DGKB: variants seen among roughly 807,000 people sequenced by gnomAD.
DGKB encodes 90 kDa diacylglycerol kinase.
In DGKB, 67 loss-of-function variants were observed where a neutral mutation model predicts 114.3. The observed-to-expected ratio is 0.59, with a 90% CI of 0.48 to 0.72. The LOEUF is 0.72. Ranked by LOEUF, DGKB falls within the 30% of genes least tolerant of loss-of-function variation. DGKB has a pLI of 0.00. For synonymous variants in DGKB, 398 were observed against 323.1 expected (o/e 1.23, Z -2.49); for missense variants, 907 against 975.2 (o/e 0.93, Z 0.93).
At chr7:14,643,756 T>A (rs1812322106) in intron 13 of DGKB, among the ~76,000 whole-genome samples, 2 of 152,128 alleles carry the variant, frequency 1.3e-5, no homozygotes, top group Admixed American at 1.3e-4. Context: ...GGCCACCACA[T>A]GTCCATGTGC....
At position 14,859,348 on chromosome 7, in the gene DGKB, T is replaced by G. The variant is rs574400071; in HGVS notation, c.-187-17898A>C. Among the ~76,000 whole-genome samples, 164 of 152,244 alleles carry G rather than the reference T, an allele frequency of 1.1e-3. 1 individual carries two copies. Among genetic ancestry groups the G allele is most frequent in the Non-Finnish European group, 2.1e-3 (146 of 68,002 alleles). On this transcript the variant is annotated intron_variant, in intron 1 of 25. Transcript: ENST00000402815. ...TCAGTCTCAGTAATGAGATTTGATT[T>G]CCCAGTTATATGTGAAAGCCACAAA...
chr7:14,531,234 T>C (rs1791532792), intron 20 of DGKB, among the ~76,000 whole-genome samples: 1 of 151,380 alleles, frequency 6.6e-6, no homozygotes, highest in African/African-American at 2.4e-5. Context: ...ACTGAAAGTA[T>C]CTAAATTGAA....
intron 23 of DGKB, 126 bp from the exon 24 acceptor site, chr7:14,178,277 C>T: frequency 2.0e-6 from 2 of 1,011,528 alleles, no homozygotes; most frequent in Non-Finnish European, 2.8e-6. Context: ...GTCTTAGAAA[C>T]TTAAAGTAAT....
At chr7:14,350,814 T>A (rs1245373459) in intron 21 of DGKB, among the ~76,000 whole-genome samples, 1 of 152,014 alleles carries the variant, frequency 6.6e-6, no homozygotes, top group Non-Finnish European at 1.5e-5. Context: ...GATCTTTGCT[T>A]TTCAAATAAA....
At chr7:14,745,162 C>A in intron 4 of DGKB, among the ~76,000 whole-genome samples, 1 of 152,176 alleles carries the variant, frequency 6.6e-6, no homozygotes, top group East Asian at 1.9e-4. Context: ...CCTTACCCAT[C>A]CCTCTTTGTT....
In DGKB at chr7:14,747,005, T is replaced by C. The variant is rs548999207; in HGVS notation, c.168+6923A>G. Among the ~76,000 whole-genome samples the C allele has an allele frequency of 7.2e-5, 11 of 152,086 alleles. No homozygotes were observed. In the South Asian group the frequency reaches 1.2e-3, roughly 17 times the overall value. On this transcript the variant is annotated intron_variant, in intron 4 of 25. Transcript: ENST00000402815. Reference sequence around the variant, plus strand: ...GCCTATTACAGATATAAGAATGGAGTAAAAATTTCCTCAATTCTTAAATTA... The same window carrying C: ...GCCTATTACAGATATAAGAATGGAGCAAAAATTTCCTCAATTCTTAAATTA...
intron 23 of DGKB, among the ~76,000 whole-genome samples, chr7:14,299,806 T>C (rs1355850177): frequency 6.6e-6 from 1 of 152,072 alleles, no homozygotes; most frequent in Non-Finnish European, 1.5e-5. Context: ...AGGCGTGCCC[T>C]TCACTCCTCA....
At chr7:14,857,192 A>ATC (rs1041769831) in intron 1 of DGKB, among the ~76,000 whole-genome samples, 3 of 129,042 alleles carry the variant, frequency 2.3e-5, no homozygotes, top group Non-Finnish European at 4.7e-5. Context: ...AGCAAGGAAG[A>ATC]TCTCTCTCTC....
intron 23 of DGKB, among the ~76,000 whole-genome samples, chr7:14,249,968 T>G (rs1443718604): frequency 6.6e-6 from 1 of 151,824 alleles, no homozygotes; most frequent in African/African-American, 2.4e-5. Context: ...TTCTATTTTA[T>G]TTTGTTGAGA....
chr7:14,963,168 T>C (rs978440415), intron 1 of DGKB, among the ~76,000 whole-genome samples: 1 of 152,110 alleles, frequency 6.6e-6, no homozygotes, highest in African/African-American at 2.4e-5. Context: ...AGCAGAAACG[T>C]TTTGTTATTT....
intron 1 of DGKB, among the ~76,000 whole-genome samples, chr7:14,885,631 T>A (rs866973331): frequency 6.6e-6 from 1 of 151,924 alleles, no homozygotes. Context: ...TTAAAAATTA[T>A]TCTATTATTA....
chr7:14,723,262 T>C (rs1379278987), intron 5 of DGKB, among the ~76,000 whole-genome samples: 2 of 152,276 alleles, frequency 1.3e-5, no homozygotes, highest in East Asian at 3.9e-4. Flanking sequence ...TGAGATCCTT[T>C]CTAGCAGCAA....
chr7:14,398,783 G>C (rs985219279), intron 21 of DGKB, among the ~76,000 whole-genome samples: 1 of 90,878 alleles, frequency 1.1e-5, no homozygotes, highest in African/African-American at 4.1e-5. Flanking sequence ...GCTAACACAT[G>C]GTCTATGACT....
intron 21 of DGKB, among the ~76,000 whole-genome samples, chr7:14,418,354 C>CAT (rs1446314300): frequency 8.0e-6 from 1 of 124,560 alleles, no homozygotes; most frequent in African/African-American, 3.5e-5. Flanking sequence ...CATATATTCA[C>CAT]ATATATATGT....
At chr7:14,708,810 C>T (rs1004565747) in intron 6 of DGKB, among the ~76,000 whole-genome samples, 9 of 149,150 alleles carry the variant, frequency 6.0e-5, no homozygotes, top group African/African-American at 2.3e-4. Flanking sequence ...ATACAAAAAT[C>T]AATTCAAGAT....
chr7:14,905,411 T>G (rs939603688), upstream of DGKB, among the ~76,000 whole-genome samples: 1 of 152,256 alleles, frequency 6.6e-6, no homozygotes, highest in African/African-American at 2.4e-5. Flanking sequence ...TTCCATTTTG[T>G]GGTAAAACTT....
intron 22 of DGKB, among the ~76,000 whole-genome samples, chr7:14,343,090 T>C (rs986914342): frequency 2.0e-5 from 3 of 151,314 alleles, no homozygotes; most frequent in African/African-American, 7.3e-5. Flanking sequence ...TAGAAAGGCA[T>C]ATTCTGCTAA....
chr7:14,850,980 A>C (rs913429347), intron 1 of DGKB, among the ~76,000 whole-genome samples: 2 of 152,184 alleles, frequency 1.3e-5, no homozygotes, highest in African/African-American at 4.8e-5. Context: ...AATATCTCCC[A>C]CTTCACAGAG....
rs191667866 is a variant in DGKB at position 14,736,194 on chromosome 7, T to C, written c.169A>G (p.Thr57Ala). ...PEGKQDILNQTIDFEGFKLFM... is the reference protein window; with the variant it reads ...PEGKQDILNQAIDFEGFKLFM... The stretch of plus-strand genomic sequence containing the variant: ...AGTTTGAAACCTTCAAAATCTATTG[T>C]CTGGAAAAAAAAAATGTAAACATGT... Residue 57 changes from threonine to alanine, a missense_variant and splice_region_variant, in exon 5 of 26, where the codon ACA becomes GCA. Around this residue, in one of 3 missense-constraint regions of DGKB, gnomAD observed 814 missense variants for 856.6 expected, o/e 0.95. Coordinates refer to ENST00000402815, the MANE Select transcript of DGKB (RefSeq NM_001350709.2). 4 of 1,398,742 alleles carry C rather than the reference T, an allele frequency of 2.9e-6. No individual in the cohort carries two copies. Among genetic ancestry groups the C allele is most frequent in the South Asian group, 1.3e-5 (1 of 78,532 alleles). 86.6% of individuals were successfully genotyped at this position (1,398,742 alleles called of 1,614,324 possible).
Sources: gnomAD v4.1 joint callset for allele counts (sites outside exome capture counted in the v4.1 genomes callset) on GRCh38, gnomAD v4.1.1 for gene constraint, gnomAD v4.1.1 regional missense constraint, MANE v1.5 for transcripts, NCBI Gene and HGNC (gene_info 2026-07-23, HGNC 2026-07-21) for gene names.